DCLK1: variants seen among roughly 807,000 people sequenced by gnomAD.
DCLK1 encodes serine/threonine-protein kinase DCLK1.
In DCLK1, 16 loss-of-function variants were observed where a neutral mutation model predicts 86.2. That is an observed-to-expected ratio of 0.19 (90% CI 0.13 to 0.28). The LOEUF (loss-of-function observed/expected upper bound fraction) is 0.28, where lower values mean the gene tolerates loss of function less well. Among genes scored for constraint, DCLK1 ranks in the 10% least tolerant of loss-of-function variants. The probability of loss-of-function intolerance (pLI) is 1.00; values close to 1 mark genes in which losing one functional copy is unlikely to be tolerated. For missense variants in DCLK1, 590 were observed against 940.2 expected (o/e 0.63, Z 4.87); for synonymous variants, 369 against 370.5 (o/e 1.00, Z 0.05).
chr13:36,126,714 G>A (rs997176023), intron 1 of DCLK1, among the ~76,000 whole-genome samples: 1 of 152,166 alleles, frequency 6.6e-6, no homozygotes, highest in Non-Finnish European at 1.5e-5. Flanking sequence ...CACGCTGTCA[G>A]CAGAAGAGGC....
chr13:35,875,783 C>T lies in DCLK1; in HGVS notation c.824-4443G>A, dbSNP rs1316373568. On this transcript the variant is annotated intron_variant, in intron 4 of 16. Coordinates refer to ENST00000360631, the MANE Select transcript of DCLK1 (RefSeq NM_001330071.2). Reference sequence around the variant, plus strand: ...TATTAAAAAGCATGAAGTAGCTGCTCGATAAATATCGGCCCAAATTGCTGC... The same window carrying T: ...TATTAAAAAGCATGAAGTAGCTGCTTGATAAATATCGGCCCAAATTGCTGC... 2.6e-5 allele frequency among the ~76,000 whole-genome samples: 4 copies of T among 152,142 alleles called. No homozygotes were observed. The East Asian group carries it at 5.8e-4, about 22-fold the overall frequency.
intron 10 of DCLK1, among the ~76,000 whole-genome samples, chr13:35,823,165 G>A (rs2087436835): frequency 6.6e-6 from 1 of 152,122 alleles, no homozygotes; most frequent in South Asian, 2.1e-4. Context: ...TAGGGGACGA[G>A]GAGATGCAGC....
chr13:36,026,020 T>C lies in DCLK1; in HGVS notation c.724-78563A>G. Among the ~76,000 whole-genome samples the C allele has an allele frequency of 1.3e-5, 2 of 152,006 alleles. 1 individual carries two copies. Among genetic ancestry groups the C allele is most frequent in the East Asian group, 3.9e-4 (2 of 5,188 alleles). ...TTCACTAAACTTCCATCAATTCAGT[T>C]TGAGAGGTAAATTTGCCCAAAGTTA... is the stretch of plus-strand genomic sequence containing the variant. On this transcript the variant is annotated intron_variant, in intron 3 of 16. Coordinates refer to ENST00000360631, the MANE Select transcript of DCLK1 (RefSeq NM_001330071.2).
At position 35,805,691 on chromosome 13, in the gene DCLK1, T is replaced by C; in HGVS notation, c.1944+8A>G. ...GAGAGAACAAAGGAAATGGTGCGAGTCACTTACATTAACCCAGGGATGCTC... is the reference window on the plus strand; with the variant it reads ...GAGAGAACAAAGGAAATGGTGCGAGCCACTTACATTAACCCAGGGATGCTC... On this transcript the variant is annotated splice_region_variant and intron_variant, in intron 15 of 16. Coordinates refer to ENST00000360631, the MANE Select transcript of DCLK1 (RefSeq NM_001330071.2). 2 of 1,611,450 alleles carry C rather than the reference T, an allele frequency of 1.2e-6. No homozygotes were observed. Among genetic ancestry groups the C allele is most frequent in the Middle Eastern group, 1.7e-4 (1 of 6,050 alleles).
At chr13:35,822,578 A>G (rs1326974553) in intron 11 of DCLK1, 151 bp downstream of exon 11, 1 of 1,067,940 alleles carries the variant, frequency 9.4e-7, no homozygotes, top group Non-Finnish European at 1.3e-6. Flanking sequence ...ATCAACCTAA[A>G]AGGCTAGTTT....
chr13:35,888,546 C>T (rs5003779), intron 4 of DCLK1, among the ~76,000 whole-genome samples: 141,447 of 152,120 alleles, frequency 0.93, 65,798 homozygotes, highest in Middle Eastern at 0.98. Flanking sequence ...TCCCTGGGTA[C>T]AGCATTTCAA....
At chr13:36,005,566 T>C (rs1382692932) in intron 3 of DCLK1, among the ~76,000 whole-genome samples, 3 of 152,206 alleles carry the variant, frequency 2.0e-5, no homozygotes, top group Non-Finnish European at 4.4e-5. Context: ...TAACACTCCA[T>C]AGGTATCTCT....
intron 3 of DCLK1, among the ~76,000 whole-genome samples, chr13:36,041,928 T>TC (rs1343098145): frequency 6.6e-6 from 1 of 152,164 alleles, no homozygotes; most frequent in African/African-American, 2.4e-5. Context: ...CAAAAATGAC[T>TC]CTATCTATAA....
intron 3 of DCLK1, among the ~76,000 whole-genome samples, chr13:36,003,859 T>C (rs1880832037): frequency 6.6e-6 from 1 of 152,228 alleles, no homozygotes; most frequent in Non-Finnish European, 1.5e-5. Context: ...ACCTGCATTT[T>C]CTGTTGCCAA....
chr13:35,957,982 A>AATC (rs1878107651), intron 3 of DCLK1, among the ~76,000 whole-genome samples: 1 of 149,488 alleles, frequency 6.7e-6, no homozygotes, highest in Admixed American at 6.7e-5. Context: ...TCACTGCTAT[A>AATC]ACCACCACCA....
chr13:35,843,488 A>G (rs1869967009), intron 6 of DCLK1, among the ~76,000 whole-genome samples: 1 of 152,236 alleles, frequency 6.6e-6, no homozygotes, highest in Non-Finnish European at 1.5e-5. Context: ...AAGCTGACAT[A>G]ACAACCCTAA....
intron 3 of DCLK1, among the ~76,000 whole-genome samples, chr13:36,098,986 T>A (rs139619678): frequency 5.4e-5 from 8 of 148,984 alleles, no homozygotes; most frequent in African/African-American, 9.9e-5. Context: ...TTTTTTTTTT[T>A]GAGAGAGTTT....
At chr13:36,107,219 G>C (rs773860082) in intron 3 of DCLK1, among the ~76,000 whole-genome samples, 1 of 152,046 alleles carries the variant, frequency 6.6e-6, no homozygotes, top group African/African-American at 2.4e-5. Flanking sequence ...CTTTCTCATG[G>C]CTTACCATCG....
At chr13:36,123,368 T>A (rs906592354) in intron 2 of DCLK1, among the ~76,000 whole-genome samples, 9 of 152,166 alleles carry the variant, frequency 5.9e-5, no homozygotes, top group African/African-American at 2.2e-4. Context: ...TAAATGAAAA[T>A]TCAAAAAATA....
At chr13:35,810,271 T>A (rs1251904581) in intron 12 of DCLK1, among the ~76,000 whole-genome samples, 1 of 152,174 alleles carries the variant, frequency 6.6e-6, no homozygotes, top group Non-Finnish European at 1.5e-5. Context: ...GCCTAGCATA[T>A]TGTGGGGTCT....
At chr13:35,845,842 A>T (rs1408795863) in intron 6 of DCLK1, 25 of 852,084 alleles carry the variant, frequency 2.9e-5, no homozygotes, top group Non-Finnish European at 3.4e-5. Context: ...ACATGTGGTC[A>T]TTTCAATTTC....
intron 8 of DCLK1, among the ~76,000 whole-genome samples, chr13:35,835,498 G>C (rs1191673841): frequency 6.6e-6 from 1 of 152,172 alleles, no homozygotes; most frequent in Non-Finnish European, 1.5e-5. Flanking sequence ...CCTCCATTAG[G>C]TATCTAGAAC....
In DCLK1 at chr13:35,774,448, C is replaced by T; in HGVS notation, c.*87G>A. 2.0e-6 allele frequency: 3 copies of T among 1,466,576 alleles called. No individual in the cohort carries two copies. Among genetic ancestry groups the T allele is most frequent in the Non-Finnish European group, 2.8e-6 (3 of 1,082,054 alleles). 90.8% of individuals were successfully genotyped at this position (1,466,576 alleles called of 1,614,324 possible). A position where few individuals can be genotyped will look rare whatever the true frequency, so the allele number is the denominator to read the frequency against. Reference sequence around the variant, plus strand: ...TTCAAGCATTGAGCGCTAGATAGATCAGATGAAACTGTTTTACACAAATTT... The same window carrying T: ...TTCAAGCATTGAGCGCTAGATAGATTAGATGAAACTGTTTTACACAAATTT... On this transcript the variant is annotated 3_prime_UTR_variant, in exon 17 of 17. Transcript: ENST00000360631.
At chr13:36,052,717 T>C (rs1883171555) in intron 3 of DCLK1, among the ~76,000 whole-genome samples, 1 of 152,094 alleles carries the variant, frequency 6.6e-6, no homozygotes, top group Non-Finnish European at 1.5e-5. Flanking sequence ...CCCAAAAGGA[T>C]GAAAAGAAAA....
Sources: allele counts gnomAD v4.1 joint callset (sites outside exome capture counted in the v4.1 genomes callset), GRCh38; gene constraint gnomAD v4.1.1; transcripts MANE v1.5; gene names NCBI Gene and HGNC (gene_info 2026-07-23, HGNC 2026-07-21).